DMD: variants seen among roughly 807,000 people sequenced by gnomAD.
DMD encodes the protein dystrophin.
DMD carries 63 observed loss-of-function variants against 330.1 expected under a neutral mutation model. The ratio of observed to expected loss-of-function variants is 0.19; its 90% CI spans 0.16 to 0.24. The LOEUF is 0.24. Among genes scored for constraint, DMD ranks in the 10% least tolerant of loss-of-function variants. DMD has a pLI of 1.00. For missense variants in DMD, 3,344 were observed against 2,684.1 expected, an observed-to-expected ratio of 1.25 and a Z score of -5.43; for synonymous variants, 1,223 against 959.8, an observed-to-expected ratio of 1.27 and a Z score of -5.07.
intron 7 of DMD, among the ~76,000 whole-genome samples, chrX:32,725,380 T>C (rs1348912837): frequency 9.0e-6 from 1 of 111,011 alleles, no homozygotes; most frequent in Non-Finnish European, 1.9e-5. Flanking sequence ...GCTATGATTC[T>C]ACAAAATACT....
chrX:32,471,997 T>G (rs1456593597), intron 22 of DMD, among the ~76,000 whole-genome samples, 167 bp downstream of exon 22: 1 of 112,695 alleles, frequency 8.9e-6, no homozygotes, highest in Non-Finnish European at 1.9e-5. Context: ...TATCCATAGA[T>G]AGAGTATATG....
intron 2 of DMD, among the ~76,000 whole-genome samples, chrX:32,959,278 C>A (rs771411658): frequency 1.8e-5 from 2 of 111,228 alleles, no homozygotes; most frequent in Non-Finnish European, 3.8e-5. Context: ...GCGCAAAGTA[C>A]AAGGCACCTA....
chrX:32,446,646 T>A (rs1307683685), intron 27 of DMD, among the ~76,000 whole-genome samples: 4 of 109,933 alleles, frequency 3.6e-5, no homozygotes, highest in East Asian at 2.9e-4. Flanking sequence ...TATGAAATAG[T>A]TAAAACAACA....
At position 32,491,296 on chromosome X, in the gene DMD, C is replaced by T. The variant is rs2042974078; in HGVS notation, c.2603G>A (p.Ser868Asn). The change falls in exon 20 of 79, where the codon AGT (serine) becomes AAT (asparagine). Residue 868 changes from serine to asparagine, a missense_variant. Coordinates refer to ENST00000357033, the MANE Select transcript of DMD (RefSeq NM_004006.3). Reference protein sequence around the residue: ...TTPSEPTAIKSQLKICKDEVN... With the variant: ...TTPSEPTAIKNQLKICKDEVN... ...TCTTACCTTACAAATTTTTAACTGA[C>T]TTTTAATTGCTGTTGGCTCTGATGG... The T allele has an allele frequency of 8.3e-7, 1 of 1,210,242 alleles. No individual in the cohort carries two copies. The highest frequency in any genetic ancestry group is 2.2e-5 in the Admixed American group (1 of 45,791).
intron 2 of DMD, among the ~76,000 whole-genome samples, chrX:33,000,727 T>G (rs6628757): frequency 0.39 from 43,612 of 110,910 alleles, 6,466 homozygotes; most frequent in East Asian, 0.48. Context: ...GATATAGTGA[T>G]TACCTGTTGA....
chrX:32,954,709 C>A lies in DMD; in HGVS notation c.93+65430G>T, dbSNP rs373386175. Among the ~76,000 whole-genome samples the A allele has an allele frequency of 4.9e-4, 54 of 110,742 alleles. No homozygotes were observed. In the South Asian group the frequency reaches 0.021, roughly 43 times the overall value. The stretch of plus-strand genomic sequence containing the variant: ...CCTCCTCCCACCCTCCACCCTCCAA[C>A]AGGTCCCAATGTATGTTATTCCCCT... On this transcript the variant is annotated intron_variant, in intron 2 of 78. Coordinates refer to ENST00000357033, the MANE Select transcript of DMD (RefSeq NM_004006.3).
At chrX:31,890,849 G>C (rs113539412) in intron 47 of DMD, among the ~76,000 whole-genome samples, 1 of 110,712 alleles carries the variant, frequency 9.0e-6, no homozygotes, top group Non-Finnish European at 1.9e-5. Flanking sequence ...CTATTCCTTT[G>C]CCTTCATCTG....
chrX:32,083,982 T>G (rs2096412952), intron 44 of DMD, among the ~76,000 whole-genome samples: 1 of 112,870 alleles, frequency 8.9e-6, no homozygotes, highest in Non-Finnish European at 1.9e-5. Flanking sequence ...GCATTTTTCT[T>G]CTAATATTTC....
intron 6 of DMD, among the ~76,000 whole-genome samples, chrX:32,815,612 T>C (rs2077701983): frequency 9.3e-6 from 1 of 107,466 alleles, no homozygotes; most frequent in Non-Finnish European, 1.9e-5. Context: ...TAAGTGTATG[T>C]GTACATATAC....
Position 31,657,101 on chromosome X carries a change from C to T in DMD, c.8027+889G>A. The stretch of plus-strand genomic sequence containing the variant: ...ACTTTTACTTCTTGTTAAAAATCAC[C>T]GAGCTTATTTTTTCAGTAATTGATG... On this transcript the variant is annotated intron_variant, in intron 54 of 78. Coordinates refer to ENST00000357033, the MANE Select transcript of DMD (RefSeq NM_004006.3). Among the ~76,000 whole-genome samples, 3 of 111,589 alleles carry T rather than the reference C, an allele frequency of 2.7e-5. No individual in the cohort carries two copies. The South Asian group carries it at 1.1e-3, about 42-fold the overall frequency.
chrX:32,385,979 T>C (rs1210517784), intron 33 of DMD, among the ~76,000 whole-genome samples: 1 of 110,044 alleles, frequency 9.1e-6, no homozygotes, highest in African/African-American at 3.3e-5. Context: ...CACTTACAAC[T>C]AAGAAACCCT....
At chrX:32,792,917 A>C (rs972182019) in intron 7 of DMD, among the ~76,000 whole-genome samples, 1 of 112,105 alleles carries the variant, frequency 8.9e-6, no homozygotes, top group Non-Finnish European at 1.9e-5. Flanking sequence ...AAAAATTAAC[A>C]AAGAAACATT....
chrX:31,875,882 A>C (rs923918207), intron 47 of DMD, among the ~76,000 whole-genome samples: 1 of 112,182 alleles, frequency 8.9e-6, no homozygotes, highest in Non-Finnish European at 1.9e-5. Flanking sequence ...AACCAACTAT[A>C]ATTTTGTTTG....
chrX:33,339,331 GC>G, exon 1 of DMD: 1 of 979,688 alleles, frequency 1.0e-6, no homozygotes, highest in Non-Finnish European at 1.4e-6. Context: ...TCAAGATAGT[GC>G]AAAACAGCAT....
chrX:32,584,415 A>C (rs763100928), intron 13 of DMD, among the ~76,000 whole-genome samples: 61 of 112,121 alleles, frequency 5.4e-4, no homozygotes, highest in African/African-American at 1.9e-3. Context: ...AAGAAATGCT[A>C]TTCTTAGGTA....
At chrX:31,286,202 G>A (rs1195344882) in intron 62 of DMD, among the ~76,000 whole-genome samples, 1 of 112,243 alleles carries the variant, frequency 8.9e-6, no homozygotes, top group Non-Finnish European at 1.9e-5. Context: ...AATAAGCTAA[G>A]ATGTCAGATG....
chrX:32,186,460 T>G (rs2096948016), intron 44 of DMD, among the ~76,000 whole-genome samples: 1 of 111,846 alleles, frequency 8.9e-6, no homozygotes, highest in African/African-American at 3.2e-5. Context: ...AACAATTAAC[T>G]TTAAGCATTA....
At chrX:32,339,554 C>A (rs996384160) in intron 41 of DMD, among the ~76,000 whole-genome samples, 5 of 111,418 alleles carry the variant, frequency 4.5e-5, no homozygotes, top group Non-Finnish European at 9.4e-5. Context: ...TGGCTGGGCG[C>A]TGCCTCATGA....
chrX:32,973,064 T>C (rs973301482), intron 2 of DMD, among the ~76,000 whole-genome samples: 4 of 111,593 alleles, frequency 3.6e-5, no homozygotes, highest in African/African-American at 1.3e-4. Flanking sequence ...CCATGATTCT[T>C]GGTGCCAAAC....
Sources: gnomAD v4.1 joint callset for allele counts (sites outside exome capture counted in the v4.1 genomes callset) on GRCh38, gnomAD v4.1.1 for gene constraint, MANE v1.5 for transcripts, NCBI Gene and HGNC (gene_info 2026-07-23, HGNC 2026-07-21) for gene names.